Variants in ZFHX4 observed in about 807,000 individuals in gnomAD.
The protein encoded by ZFHX4 is zinc finger homeobox protein 4.
Under a neutral mutation model 267.6 loss-of-function variants are expected in ZFHX4, and 56 were observed. The observed-to-expected ratio is 0.21, with a 90% CI of 0.17 to 0.26. The LOEUF is 0.26. Among genes scored for constraint, ZFHX4 ranks in the 10% least tolerant of loss-of-function variants. The pLI is 1.00. For missense variants in ZFHX4, 4,332 were observed against 4,420.0 expected (o/e 0.98, Z 0.56); for synonymous variants, 1,778 against 1,665.6 (o/e 1.07, Z -1.64).
intron 4 of ZFHX4, among the ~76,000 whole-genome samples, chr8:76,784,480 T>C (rs917584145): frequency 9.2e-5 from 14 of 152,176 alleles, no homozygotes; most frequent in Non-Finnish European, 1.3e-4. Context: ...CATCCTAATC[T>C]GTCTTGTCAT....
intron 4 of ZFHX4, among the ~76,000 whole-genome samples, chr8:76,829,824 T>A (rs1213180730): frequency 6.6e-6 from 1 of 152,028 alleles, no homozygotes; most frequent in Non-Finnish European, 1.5e-5. Flanking sequence ...ATTTAAGGAA[T>A]GGGAACCTTA....
intron 1 of ZFHX4, among the ~76,000 whole-genome samples, chr8:76,691,572 A>G (rs16939333): frequency 0.049 from 7,483 of 152,140 alleles, 201 homozygotes; most frequent in East Asian, 0.1. Context: ...CATTATTTAA[A>G]CTTACATTTT....
At chr8:76,833,303 A>C in intron 4 of ZFHX4, 35 bp from the exon 5 acceptor site, 2 of 1,583,888 alleles carry the variant, frequency 1.3e-6, no homozygotes, top group Non-Finnish European at 1.7e-6. Context: ...TGGATATGGC[A>C]TGCTGATTAC....
At position 76,866,047 on chromosome 8, in the gene ZFHX4, T is replaced by A. The variant is rs1407442973; in HGVS notation, c.*1482T>A. 1 of 152,624 alleles carries A rather than the reference T, an allele frequency of 6.6e-6. No homozygotes were observed. The highest frequency in any genetic ancestry group is 2.4e-5 in the African/African-American group (1 of 41,452). 9.5% of individuals were successfully genotyped at this position (152,624 alleles called of 1,614,324 possible). A position where few individuals can be genotyped will look rare whatever the true frequency, so the allele number is the denominator to read the frequency against. The stretch of plus-strand genomic sequence containing the variant: ...TTCTGTTGCTGTGGAACTTAAAGAA[T>A]GTGAAAGCTGTCAAAGGGTATTTTA... On this transcript the variant is annotated 3_prime_UTR_variant, in exon 11 of 11. Coordinates refer to ENST00000651372, the MANE Select transcript of ZFHX4 (RefSeq NM_024721.5).
chr8:76,796,876 A>G (rs956544862), intron 4 of ZFHX4, among the ~76,000 whole-genome samples: 18 of 152,302 alleles, frequency 1.2e-4, no homozygotes, highest in African/African-American at 4.3e-4. Context: ...CAACCTACCC[A>G]TCTTTTTCAT....
chr8:76,776,174 G>T (rs554308026), intron 3 of ZFHX4, among the ~76,000 whole-genome samples: 2 of 152,120 alleles, frequency 1.3e-5, no homozygotes, highest in African/African-American at 4.8e-5. Context: ...AGAAAATCGG[G>T]TGGTGATCTA....
rs982188764 is a variant in ZFHX4 at position 76,834,260 on chromosome 8, A to C, written c.3394+854A>C. Reference sequence around the variant, plus strand: ...CCCTTTGATAAATGCCAAGGAGTACAATTACTAGATTGTATGATAAGAGCA... The same window carrying C: ...CCCTTTGATAAATGCCAAGGAGTACCATTACTAGATTGTATGATAAGAGCA... On this transcript the variant is annotated intron_variant, in intron 5 of 10. Transcript: ENST00000651372. The C allele has an allele frequency of 1.0e-5, 3 of 300,544 alleles. No individual in the cohort carries two copies. The East Asian group carries it at 2.5e-4, about 25-fold the overall frequency. 18.6% of individuals were successfully genotyped at this position (300,544 alleles called of 1,614,324 possible). A position where few individuals can be genotyped will look rare whatever the true frequency, so the allele number is the denominator to read the frequency against.
rs1294848202 is a variant in ZFHX4 at position 76,851,519 on chromosome 8, A to C, written c.4598A>C (p.Lys1533Thr). ...AAAGGGCCCAATTTTACGATGGAAAAATTCCTTGATCCATCTCGTCCATAT... is the reference window on the plus strand; with the variant it reads ...AAAGGGCCCAATTTTACGATGGAAACATTCCTTGATCCATCTCGTCCATAT... ...FRKGPNFTME[K>T]FLDPSRPYKC... Residue 1533 changes from lysine (K) to threonine (T), a missense_variant, in exon 10 of 11, where the codon AAA becomes ACA. Physicochemically the swap from Lys to Thr is moderately conservative, Grantham distance 78. Around this residue, in one of 7 missense-constraint regions of ZFHX4, gnomAD observed 1,371 missense variants for 1,423.1 expected, o/e 0.96. Coordinates refer to ENST00000651372, the MANE Select transcript of ZFHX4 (RefSeq NM_024721.5). 1 of 1,613,922 alleles carries C rather than the reference A, an allele frequency of 6.2e-7. No homozygotes were observed. Among genetic ancestry groups the C allele is most frequent in the South Asian group, 1.1e-5 (1 of 91,074 alleles).
At chr8:76,842,227 A>G (rs999615357) in intron 5 of ZFHX4, among the ~76,000 whole-genome samples, 1 of 152,176 alleles carries the variant, frequency 6.6e-6, no homozygotes, top group Non-Finnish European at 1.5e-5. Flanking sequence ...CCTGTCTTAT[A>G]TAACCGTTGT....
In ZFHX4 at chr8:76,856,168, A is replaced by T. The variant is rs763639875; in HGVS notation, c.9247A>T (p.Met3083Leu). The change falls in exon 10 of 11, where the codon ATG (methionine) becomes TTG (leucine). Residue 3083 changes from methionine to leucine, a missense_variant. Coordinates refer to ENST00000651372, the MANE Select transcript of ZFHX4 (RefSeq NM_024721.5). ...VLGLTVQQPG[M>L]MDSSSLHGIS... The stretch of plus-strand genomic sequence containing the variant: ...GGGCTTGACGGTACAGCAGCCAGGC[A>T]TGATGGACAGCAGTTCTCTCCACGG... 1.2e-6 allele frequency: 2 copies of T among 1,613,996 alleles called. No individual in the cohort carries two copies. The highest frequency in any genetic ancestry group is 3.3e-5 in the Admixed American group (2 of 60,022).
At position 76,707,653 on chromosome 8, in the gene ZFHX4, G is replaced by A; in HGVS notation, c.2698G>A (p.Ala900Thr). 1 of 1,613,862 alleles carries A rather than the reference G, an allele frequency of 6.2e-7. No homozygotes were observed. Among genetic ancestry groups the A allele is most frequent in the Non-Finnish European group, 8.5e-7 (1 of 1,179,888 alleles). ...GELSPYISDP[A>T]LKLFQCAVCN... ...GCTGTCACCTTATATCAGTGACCCA[G>A]CGCTGAAGCTATTCCAGTGTGCTGT... Residue 900 changes from alanine to threonine, a missense_variant, in exon 3 of 11, where the codon GCG becomes ACG. Physicochemically the swap from Ala to Thr is moderately conservative, Grantham distance 58. This residue lies in a region of ZFHX4 where 1,195 missense variants were observed against 1,173.6 expected (regional missense o/e 1.02). Coordinates refer to ENST00000651372, the MANE Select transcript of ZFHX4 (RefSeq NM_024721.5).
chr8:76,850,214 C>T (rs774585998), intron 8 of ZFHX4, 31 bp from the exon 9 acceptor site: 22 of 1,522,802 alleles, frequency 1.4e-5, no homozygotes, highest in Non-Finnish European at 1.8e-5. Flanking sequence ...TTCTGGGGTA[C>T]ATTTAACATA....
rs778702553 is a variant in ZFHX4, at chr8:76,864,149, G to T, written c.10435G>T (p.Ala3479Ser). The change falls in exon 11 of 11, where the codon GCA (alanine) becomes TCA (serine). Residue 3479 changes from alanine (A) to serine (S), a missense_variant. This residue lies in a region of ZFHX4 where 1,648 missense variants were observed against 1,625.0 expected (regional missense o/e 1.01). Coordinates refer to ENST00000651372, the MANE Select transcript of ZFHX4 (RefSeq NM_024721.5). ...SLHKEKTIKQ[A>S]MRNAKEHVRL... is the part of the protein sequence containing the mutation. Reference sequence around the variant, plus strand: ...GCACAAAGAGAAAACAATCAAACAAGCAATGAGAAATGCCAAAGAGCATGT... The same window carrying T: ...GCACAAAGAGAAAACAATCAAACAATCAATGAGAAATGCCAAAGAGCATGT... 1.2e-6 allele frequency: 2 copies of T among 1,613,818 alleles called. No individual in the cohort carries two copies. The highest frequency in any genetic ancestry group is 3.3e-5 in the Admixed American group (2 of 60,000).
chr8:76,846,243 G>A (rs1391674335), intron 6 of ZFHX4, among the ~76,000 whole-genome samples: 1 of 152,116 alleles, frequency 6.6e-6, no homozygotes, highest in East Asian at 1.9e-4. Flanking sequence ...CTGATGACTT[G>A]CCTCATCCTC....
intron 5 of ZFHX4, among the ~76,000 whole-genome samples, chr8:76,838,146 A>C (rs1015084162): frequency 1.3e-5 from 2 of 152,198 alleles, no homozygotes; most frequent in African/African-American, 4.8e-5. Flanking sequence ...GGAAGGGAGA[A>C]AGCACTACAA....
At chr8:76,837,869 A>G (rs544072461) in intron 5 of ZFHX4, among the ~76,000 whole-genome samples, 1 of 152,322 alleles carries the variant, frequency 6.6e-6, no homozygotes, top group East Asian at 1.9e-4. Context: ...TTCAGGGTTC[A>G]GAGAAGACTT....
intron 4 of ZFHX4, among the ~76,000 whole-genome samples, chr8:76,809,223 C>T (rs1158871502): frequency 7.9e-5 from 12 of 152,044 alleles, no homozygotes; most frequent in Admixed American, 6.6e-4. Context: ...GCTTGAATAA[C>T]GCTTGTCTTG....
intron 1 of ZFHX4, among the ~76,000 whole-genome samples, chr8:76,703,051 C>T (rs1443658338): frequency 6.6e-6 from 1 of 152,058 alleles, no homozygotes; most frequent in East Asian, 1.9e-4. Flanking sequence ...CTTTACCCTG[C>T]TGTCAGAAAC....
rs753379027 is a variant in ZFHX4, at chr8:76,706,691, T to C, written c.2590+13T>C. ...GCACCAGGGCTCGGTTAGTATTTCC[T>C]GCTTTTCTGCACTGTTGTTAGTTTC... On this transcript the variant is annotated intron_variant, in intron 2 of 10. Transcript: ENST00000651372. 61 of 1,545,610 alleles carry C rather than the reference T, an allele frequency of 3.9e-5. No homozygotes were observed. Among genetic ancestry groups the C allele is most frequent in the Non-Finnish European group, 5.1e-5 (59 of 1,149,634 alleles).
Sources: allele counts gnomAD v4.1 joint callset (sites outside exome capture counted in the v4.1 genomes callset), GRCh38; gene constraint gnomAD v4.1.1; regional missense constraint gnomAD v4.1.1; transcripts MANE v1.5; gene names NCBI Gene and HGNC (gene_info 2026-07-23, HGNC 2026-07-21).